Variants in TNS3 observed in about 807,000 individuals in gnomAD.
The protein encoded by TNS3 is tensin-3.
A neutral mutation model predicts 140.9 loss-of-function variants in TNS3; 45 were observed. The observed-to-expected ratio is 0.32, with a 90% CI of 0.25 to 0.41. The LOEUF (loss-of-function observed/expected upper bound fraction) is 0.41. Ranked by LOEUF, TNS3 falls within the 10% of genes least tolerant of loss-of-function variation. TNS3 has a pLI of 1.00. For synonymous variants in TNS3, 815 were observed against 788.4 expected, an observed-to-expected ratio of 1.03 and a Z score of -0.56; for missense variants, 1,716 against 1,906.7, an observed-to-expected ratio of 0.90 and a Z score of 1.86.
chr7:47,453,732 A>C lies in TNS3; in HGVS notation c.-75-11677T>G, dbSNP rs113319758. 3.9e-4 allele frequency among the ~76,000 whole-genome samples: 60 copies of C among 152,348 alleles called. 2 individuals are homozygous for C. The highest frequency in any genetic ancestry group is 3.4e-3 in the Middle Eastern group (1 of 294). On this transcript the variant is annotated intron_variant, in intron 4 of 30. Coordinates refer to ENST00000311160, the MANE Select transcript of TNS3 (RefSeq NM_022748.12). ...GGGAATGAGGCACCAGACGGTTCTGAGTTACAAAACGGGAGATGGAGGCCG... is the reference window on the plus strand; with the variant it reads ...GGGAATGAGGCACCAGACGGTTCTGCGTTACAAAACGGGAGATGGAGGCCG...
intron 1 of TNS3, among the ~76,000 whole-genome samples, chr7:47,556,159 G>A (rs1005170834): frequency 6.6e-6 from 1 of 152,200 alleles, no homozygotes; most frequent in African/African-American, 2.4e-5. Flanking sequence ...CCCATGTTCA[G>A]ATTCTCCTTG....
chr7:47,350,254 G>A (rs1333591118), intron 17 of TNS3, among the ~76,000 whole-genome samples: 2 of 152,184 alleles, frequency 1.3e-5, no homozygotes, highest in Non-Finnish European at 2.9e-5. Flanking sequence ...CTGAGGAAGG[G>A]GCACTCTTCC....
At chr7:47,398,523 A>G (rs113208094) in intron 15 of TNS3, among the ~76,000 whole-genome samples, 5 of 152,304 alleles carry the variant, frequency 3.3e-5, no homozygotes, top group African/African-American at 9.6e-5. Flanking sequence ...TTTAACATAT[A>G]GAAGTCAATA....
chr7:47,303,490 C>A lies in TNS3; in HGVS notation c.2917G>T (p.Ala973Ser), dbSNP rs537187149. 21 of 1,610,468 alleles carry A rather than the reference C, an allele frequency of 1.3e-5. No individual in the cohort carries two copies. The African/African-American group carries it at 1.7e-4, about 13-fold the overall frequency. Residue 973 changes from alanine to serine, a missense_variant, in exon 22 of 31, where the codon GCT becomes TCT. Ala to Ser is a moderately conservative substitution (Grantham distance 99). This residue lies in a region of TNS3 where 1,163 missense variants were observed against 1,182.1 expected (regional missense o/e 0.98). Transcript: ENST00000311160. ...SGRPTGSPLS[A>S]EFSGTRKDSP... ...TCCTTCCTGGTACCGGAGAACTCAG[C>A]GCTGAGGGGACTTCCGGTGGGCCGG...
At chr7:47,285,896 T>C (rs979571229) in intron 27 of TNS3, among the ~76,000 whole-genome samples, 4 of 152,118 alleles carry the variant, frequency 2.6e-5, no homozygotes, top group African/African-American at 9.6e-5. Flanking sequence ...GAAAATCACA[T>C]GGCAGCATGG....
At chr7:47,284,767 T>A (rs777151843) in intron 27 of TNS3, among the ~76,000 whole-genome samples, 3 of 152,220 alleles carry the variant, frequency 2.0e-5, no homozygotes, top group Non-Finnish European at 4.4e-5. Flanking sequence ...CTTAATTCCG[T>A]GGTTAAAGGC....
intron 6 of TNS3, 23 bp from the exon 7 acceptor site, chr7:47,437,336 C>T: frequency 1.2e-5 from 16 of 1,291,886 alleles, no homozygotes; most frequent in Non-Finnish European, 1.6e-5. Flanking sequence ...GGAAAAATTG[C>T]CTTGCATAAA....
At position 47,328,155 on chromosome 7, in the gene TNS3, TC is replaced by T. The variant is rs569303743; in HGVS notation, c.2650+16599del. On this transcript the variant is annotated intron_variant, in intron 20 of 30. Coordinates refer to ENST00000311160, the MANE Select transcript of TNS3 (RefSeq NM_022748.12). ...AGGCAGGGCTCTGTGTTCCGGCCTG[TC>T]CCGAGGGAGTCGTGCAGGGGGCGGG... is the stretch of plus-strand genomic sequence containing the variant. 1.2e-3 allele frequency among the ~76,000 whole-genome samples: 179 copies of T among 152,082 alleles called. 1 individual carries two copies. The highest frequency in any genetic ancestry group is 4.0e-3 in the African/African-American group (165 of 41,490).
chr7:47,310,958 C>T (rs1177374643), intron 20 of TNS3, among the ~76,000 whole-genome samples: 3 of 152,114 alleles, frequency 2.0e-5, no homozygotes, highest in Non-Finnish European at 4.4e-5. Flanking sequence ...TTTTCTTAAT[C>T]CAGTCTATTA....
At chr7:47,526,330 C>T (rs1799191481) in intron 2 of TNS3, among the ~76,000 whole-genome samples, 1 of 152,220 alleles carries the variant, frequency 6.6e-6, no homozygotes, top group Non-Finnish European at 1.5e-5. Context: ...AGCTCCCCCA[C>T]TGGATTACAG....
chr7:47,343,033 T>G (rs1340389231), intron 20 of TNS3, among the ~76,000 whole-genome samples: 1 of 152,232 alleles, frequency 6.6e-6, no homozygotes, highest in Non-Finnish European at 1.5e-5. Flanking sequence ...AATATTGTTA[T>G]CATGTCACCT....
intron 1 of TNS3, among the ~76,000 whole-genome samples, chr7:47,556,455 G>C (rs940841164): frequency 3.3e-5 from 5 of 152,082 alleles, no homozygotes; most frequent in Non-Finnish European, 5.9e-5. Flanking sequence ...CCTGTCCTGG[G>C]GCCCTAGGAG....
At chr7:47,419,267 A>G (rs78676173) in intron 10 of TNS3, among the ~76,000 whole-genome samples, 31,330 of 152,182 alleles carry the variant, frequency 0.21, 3,811 homozygotes, top group African/African-American at 0.34. Context: ...GGGGATGTCC[A>G]GGCCCAGGCA....
chr7:47,288,606 G>A (rs1278612729), intron 27 of TNS3, among the ~76,000 whole-genome samples: 1 of 152,108 alleles, frequency 6.6e-6, no homozygotes, highest in Non-Finnish European at 1.5e-5. Flanking sequence ...CCCACAGACA[G>A]GGTCCACTGT....
At chr7:47,322,213 C>CAAAAAAAAAAAA (rs759875153) in intron 20 of TNS3, among the ~76,000 whole-genome samples, 2 of 49,934 alleles carry the variant, frequency 4.0e-5, no homozygotes, top group African/African-American at 7.8e-5. Flanking sequence ...GTAGAACGGG[C>CAAAAAAAAAAAA]AAAAAAAAAA....
chr7:47,311,181 C>A (rs1444628105), intron 20 of TNS3, among the ~76,000 whole-genome samples: 1 of 152,214 alleles, frequency 6.6e-6, no homozygotes, highest in Non-Finnish European at 1.5e-5. Context: ...TACAGTCCCA[C>A]CAACAGTGTA....
At position 47,400,792 on chromosome 7, in the gene TNS3, G is replaced by A. The variant is rs368935875; in HGVS notation, c.846C>T (p.Ala282=). Residue 282 remains alanine (A), a synonymous_variant, in exon 14 of 31, where the codon GCC becomes GCT. Transcript: ENST00000311160. The part of the protein sequence containing the change: ...LVFGKEDLDN[A]SKDDRFPDYG... ...GCCAGCTCCGCGCCTCACCTTTGCT[G>A]GCATTGTCCAGATCCTCCTTCCCAA... 3.7e-6 allele frequency: 6 copies of A among 1,613,972 alleles called. No individual in the cohort carries two copies. In the African/African-American group the frequency reaches 8.0e-5, roughly 22 times the overall value.
chr7:47,456,286 T>C (rs553325760), intron 4 of TNS3, among the ~76,000 whole-genome samples: 34 of 152,114 alleles, frequency 2.2e-4, no homozygotes, highest in Admixed American at 1.4e-3. Flanking sequence ...GAGGTTGAAA[T>C]CAGCAATGGG....
rs1785267911 is a variant in TNS3 at position 47,283,771 on chromosome 7, C to T, written c.4023G>A (p.Glu1341=). Residue 1341 remains glutamate, a synonymous_variant, in exon 28 of 31, where the codon GAG becomes GAA. Transcript: ENST00000311160. Reference sequence around the variant, plus strand: ...GCACAACTGTGGACACAGGTGGAGGCTCCTGGACCAGGGTGATGCTCAGGG... The same window carrying T: ...GCACAACTGTGGACACAGGTGGAGGTTCCTGGACCAGGGTGATGCTCAGGG... The part of the protein sequence containing the change: ...QKALSITLVQ[E]PPPVSTVVHF... The T allele has an allele frequency of 1.9e-6, 3 of 1,612,590 alleles. No homozygotes were observed. Among genetic ancestry groups the T allele is most frequent in the East Asian group, 2.2e-5 (1 of 44,742 alleles).
Sources: allele counts gnomAD v4.1 joint callset (sites outside exome capture counted in the v4.1 genomes callset), GRCh38; gene constraint gnomAD v4.1.1; regional missense constraint gnomAD v4.1.1; transcripts MANE v1.5; gene names NCBI Gene and HGNC (gene_info 2026-07-23, HGNC 2026-07-21).